REST: variants seen among roughly 807,000 people sequenced by gnomAD.
REST encodes RE1-silencing transcription factor.
REST carries 1 observed loss-of-function variant against 30.4 expected under a neutral mutation model. The observed-to-expected ratio is 0.03, with a 90% CI of 0.01 to 0.16. The LOEUF (loss-of-function observed/expected upper bound fraction) is 0.16. REST is among the 10% of genes least tolerant of loss of function. The pLI, the probability that REST is intolerant of heterozygous loss-of-function variation, is 1.00. For missense variants in REST, 1,259 were observed against 1,329.5 expected (o/e 0.95, Z 0.82); for synonymous variants, 504 against 451.1 (o/e 1.12, Z -1.49).
Position 56,930,891 on chromosome 4 carries a change from C to T in REST, c.2033C>T (p.Ala678Val). Residue 678 changes from alanine (A) to valine (V), a missense_variant, in exon 4 of 4, where the codon GCC becomes GTC. Physicochemically the swap from Ala to Val is moderately conservative, Grantham distance 64. Around this residue, in one of 5 missense-constraint regions of REST, gnomAD observed 856 missense variants for 772.8 expected, o/e 1.11. Transcript: ENST00000309042. ...PPVEPAQMVG[A>V]QIVLAHMELP... ...GTGGAGCCTGCTCAGATGGTGGGTG[C>T]CCAAATTGTACTTGCTCACATGGAG... is the stretch of plus-strand genomic sequence containing the variant. 6.2e-7 allele frequency: 1 copy of T among 1,613,748 alleles called. No homozygotes were observed. Among genetic ancestry groups the T allele is most frequent in the Non-Finnish European group, 8.5e-7 (1 of 1,179,912 alleles).
intron 2 of REST, among the ~76,000 whole-genome samples, chr4:56,915,899 C>T (rs1720173409): frequency 6.6e-6 from 1 of 152,146 alleles, no homozygotes; most frequent in Admixed American, 6.6e-5. Context: ...GGGAAAACTT[C>T]AGATTTAAAA....
chr4:56,910,529 T>A, intron 1 of REST, 101 bp from the exon 2 acceptor site: 1 of 991,644 alleles, frequency 1.0e-6, no homozygotes, highest in Admixed American at 2.9e-5. Context: ...AAGATCATAC[T>A]GGAAAATTTT....
At chr4:56,913,318 C>A (rs1366367642) in intron 2 of REST, among the ~76,000 whole-genome samples, 1 of 152,154 alleles carries the variant, frequency 6.6e-6, no homozygotes, top group Non-Finnish European at 1.5e-5. Context: ...CCCTACCACA[C>A]CCTAATTTTT....
chr4:56,911,170 A>G lies in REST; in HGVS notation c.532A>G (p.Ile178Val), dbSNP rs766763031. The G allele has an allele frequency of 6.2e-7, 1 of 1,614,226 alleles. No individual in the cohort carries two copies. The highest frequency in any genetic ancestry group is 1.7e-5 in the Admixed American group (1 of 60,028). ...AESEEQFVHHIRVHSAKKFFV... is the reference protein window; with the variant it reads ...AESEEQFVHHVRVHSAKKFFV... ...ATCTGAAGAACAGTTTGTGCATCAC[A>G]TCAGAGTTCACAGTGCTAAGAAATT... Residue 178 changes from isoleucine to valine, a missense_variant, in exon 2 of 4, where the codon ATC (isoleucine) becomes GTC (valine). Transcript: ENST00000309042.
rs1490140830 is a variant in REST, at chr4:56,930,292, G to A, written c.1434G>A (p.Lys478=). Residue 478 remains lysine, a synonymous_variant, in exon 4 of 4, where the codon AAG becomes AAA. Coordinates refer to ENST00000309042, the MANE Select transcript of REST (RefSeq NM_005612.5). ...AAAGAGATGTCTCAAAAGAGAAAAA[G>A]CCTTCTAATAATGTGTCAGTGATCC... ...AEKRDVSKEK[K]PSNNVSVIQV... 6.2e-7 allele frequency: 1 copy of A among 1,613,746 alleles called. No individual in the cohort carries two copies. The highest frequency in any genetic ancestry group is 1.7e-5 in the Admixed American group (1 of 59,948).
In REST at chr4:56,931,759, A is replaced by C. The variant is rs748869206; in HGVS notation, c.2901A>C (p.Glu967Asp). ...ENLTGINSTV[E>D]EPVSPMLPPS... ...TCACTGGTATAAATTCAACAGTTGA[A>C]GAACCAGTTTCACCAATGCTTCCCC... The change falls in exon 4 of 4, where the codon GAA becomes GAC. Residue 967 changes from glutamate to aspartate, a missense_variant. Coordinates refer to ENST00000309042, the MANE Select transcript of REST (RefSeq NM_005612.5). 12 of 1,614,270 alleles carry C rather than the reference A, an allele frequency of 7.4e-6. No homozygotes were observed. The highest frequency in any genetic ancestry group is 1.0e-5 in the Non-Finnish European group (12 of 1,180,054).
chr4:56,914,905 A>AT lies in REST; in HGVS notation c.898+3383dup, dbSNP rs11321935. On this transcript the variant is annotated intron_variant, in intron 2 of 3. Transcript: ENST00000309042. ...TTTCCCCAGTATTACCTTCATTCTG[A>AT]TTTTTTTTTTTTTTAACTTTTTTTT... 1.9e-4 allele frequency among the ~76,000 whole-genome samples: 22 copies of AT among 118,592 alleles called. No individual in the cohort carries two copies. In the East Asian group the frequency reaches 2.8e-3, roughly 15 times the overall value. The allele number at this position is 118,592 out of a possible 152,430, so 77.8% of individuals were successfully genotyped here. A position where few individuals can be genotyped will look rare whatever the true frequency, so the allele number is the denominator to read the frequency against.
rs555710520 is a variant in REST at position 56,926,416 on chromosome 4, G to T, written c.983-3425G>T. On this transcript the variant is annotated intron_variant, in intron 3 of 3. Transcript: ENST00000309042. ...TTTTGAGATGGAGTCTTGCTCTGTT[G>T]CCCAGGCTGGAGTGCAGTAGTGCGA... 5.3e-5 allele frequency among the ~76,000 whole-genome samples: 8 copies of T among 149,818 alleles called. No homozygotes were observed. The East Asian group carries it at 1.6e-3, about 30-fold the overall frequency.
chr4:56,912,339 CTTTTT>C (rs11318390), intron 2 of REST, among the ~76,000 whole-genome samples: 349 of 112,712 alleles, frequency 3.1e-3, no homozygotes, highest in African/African-American at 0.011. Flanking sequence ...AAAGTTGAAA[CTTTTT>C]TTTTTTTTTT....
At chr4:56,918,372 T>C (rs888691029) in intron 2 of REST, among the ~76,000 whole-genome samples, 12 of 151,228 alleles carry the variant, frequency 7.9e-5, no homozygotes, top group African/African-American at 2.7e-4. Flanking sequence ...CACACGCCTA[T>C]GGTCCCAGCT....
Position 56,908,038 on chromosome 4 carries a change from G to T in REST, c.-185G>T. 1 of 366,888 alleles carries T rather than the reference G, an allele frequency of 2.7e-6. No individual in the cohort carries two copies. Among genetic ancestry groups the T allele is most frequent in the Non-Finnish European group, 4.9e-6 (1 of 205,288 alleles). The allele number at this position is 366,888 out of a possible 1,614,324, so 22.7% of individuals were successfully genotyped here. A position where few individuals can be genotyped will look rare whatever the true frequency, so the allele number is the denominator to read the frequency against. On this transcript the variant is annotated 5_prime_UTR_variant, in exon 1 of 4. It introduces an in-frame stop codon into an upstream open reading frame of the 5' UTR. Transcript: ENST00000309042. ...AGCCGAGACGGCAGGGCGAGGCCCGGAGGCCTGAGCACCCTCTGCAGCCCC... is the reference window on the plus strand; with the variant it reads ...AGCCGAGACGGCAGGGCGAGGCCCGTAGGCCTGAGCACCCTCTGCAGCCCC...
At position 56,932,017 on chromosome 4, in the gene REST, C is replaced by T. The variant is rs766777792; in HGVS notation, c.3159C>T (p.Val1053=). 5.0e-6 allele frequency: 8 copies of T among 1,614,212 alleles called. No homozygotes were observed. Among genetic ancestry groups the T allele is most frequent in the Non-Finnish European group, 5.9e-6 (7 of 1,180,034 alleles). The change falls in exon 4 of 4, where the codon GTC becomes GTT. Residue 1053 remains valine (V), a synonymous_variant. Coordinates refer to ENST00000309042, the MANE Select transcript of REST (RefSeq NM_005612.5). ...AAAATGCAAAGGAAGCCTTGGCAGT[C>T]AAAGCGGCTAAGGGAGATTTTGTTT... is the stretch of plus-strand genomic sequence containing the variant. ...SRKNAKEALA[V]KAAKGDFVCI...
chr4:56,925,164 C>CAAAAAAAAAAAAAAA (rs35149595), intron 3 of REST, among the ~76,000 whole-genome samples: 1 of 82,386 alleles, frequency 1.2e-5, no homozygotes, highest in Non-Finnish European at 2.5e-5. Flanking sequence ...GACTCAGTCT[C>CAAAAAAAAAAAAAAA]AAAAAAAAAA....
Position 56,933,405 on chromosome 4 carries a change from A to G in REST, c.*1253A>G, listed in dbSNP as rs1721043273. 1 of 152,198 alleles carries G rather than the reference A, an allele frequency of 6.6e-6. No homozygotes were observed. The highest frequency in any genetic ancestry group is 2.4e-5 in the African/African-American group (1 of 41,452). The allele number at this position is 152,198 out of a possible 1,614,324, so 9.4% of individuals were successfully genotyped here. ...AGTTTTATAGAATATCACTTGGGAGATTCCAAAGCCATAGCTATTACGCGG... is the reference window on the plus strand; with the variant it reads ...AGTTTTATAGAATATCACTTGGGAGGTTCCAAAGCCATAGCTATTACGCGG... On this transcript the variant is annotated 3_prime_UTR_variant, in exon 4 of 4. Transcript: ENST00000309042.
At chr4:56,913,249 T>G (rs1720017684) in intron 2 of REST, among the ~76,000 whole-genome samples, 1 of 152,262 alleles carries the variant, frequency 6.6e-6, no homozygotes, top group South Asian at 2.1e-4. Context: ...AGCCTCTACC[T>G]CCTGGGTTCA....
chr4:56,927,242 A>G (rs1432086587), intron 3 of REST, among the ~76,000 whole-genome samples: 1 of 152,168 alleles, frequency 6.6e-6, no homozygotes, highest in Non-Finnish European at 1.5e-5. Flanking sequence ...TATGCTACCT[A>G]TCTTTCTACA....
chr4:56,926,027 G>A (rs2109562312), intron 3 of REST, among the ~76,000 whole-genome samples: 1 of 152,276 alleles, frequency 6.6e-6, no homozygotes, highest in African/African-American at 2.4e-5. Flanking sequence ...TACTCATGAT[G>A]TAGGAAAGAC....
In REST at chr4:56,930,315, T is replaced by G; in HGVS notation, c.1457T>G (p.Ile486Ser). 2 of 1,614,002 alleles carry G rather than the reference T, an allele frequency of 1.2e-6. No homozygotes were observed. Among genetic ancestry groups the G allele is most frequent in the Non-Finnish European group, 1.7e-6 (2 of 1,180,008 alleles). Residue 486 changes from isoleucine to serine, a missense_variant, in exon 4 of 4, where the codon ATC (isoleucine) becomes AGC (serine). Physicochemically the swap from Ile to Ser is moderately radical, Grantham distance 142. This residue lies in a region of REST where 856 missense variants were observed against 772.8 expected (regional missense o/e 1.11). Coordinates refer to ENST00000309042, the MANE Select transcript of REST (RefSeq NM_005612.5). ...EKKPSNNVSV[I>S]QVTTRTRKSV... ...AAGCCTTCTAATAATGTGTCAGTGA[T>G]CCAGGTGACTACCAGAACTCGAAAA...
Position 56,919,799 on chromosome 4 carries a change from A to T in REST, c.911A>T (p.Tyr304Phe). The T allele has an allele frequency of 6.2e-7, 1 of 1,605,904 alleles. No individual in the cohort carries two copies. The highest frequency in any genetic ancestry group is 1.7e-4 in the Middle Eastern group (1 of 6,028). Reference sequence around the variant, plus strand: ...TGAAATTTTGCAGGAGAACGCCCATATAAATGTGAACTTTGTCCTTACTCA... The same window carrying T: ...TGAAATTTTGCAGGAGAACGCCCATTTAAATGTGAACTTTGTCCTTACTCA... ...HVRTHTGERP[Y>F]KCELCPYSSS... is the part of the protein sequence containing the mutation. Residue 304 changes from tyrosine (Y) to phenylalanine (F), a missense_variant, in exon 3 of 4, where the codon TAT (tyrosine) becomes TTT (phenylalanine). This residue lies in a region of REST where 125 missense variants were observed against 255.4 expected (regional missense o/e 0.49). Coordinates refer to ENST00000309042, the MANE Select transcript of REST (RefSeq NM_005612.5).
Sources: gnomAD v4.1 joint callset for allele counts (sites outside exome capture counted in the v4.1 genomes callset) on GRCh38, gnomAD v4.1.1 for gene constraint, gnomAD v4.1.1 regional missense constraint, MANE v1.5 for transcripts, NCBI Gene and HGNC (gene_info 2026-07-23, HGNC 2026-07-21) for gene names.